ZCCHC14: variants seen among roughly 807,000 people sequenced by gnomAD.
ZCCHC14 encodes zinc finger CCHC domain-containing protein 14.
Under a neutral mutation model 85.0 loss-of-function variants are expected in ZCCHC14, and 16 were observed. The ratio of observed to expected loss-of-function variants is 0.19; its 90% CI spans 0.13 to 0.29. ZCCHC14 has a LOEUF of 0.29. Among genes scored for constraint, ZCCHC14 ranks in the 10% least tolerant of loss-of-function variants. The probability of loss-of-function intolerance (pLI) is 1.00; values close to 1 mark genes in which losing one functional copy is unlikely to be tolerated. For missense variants in ZCCHC14, 1,303 were observed against 1,443.5 expected, an observed-to-expected ratio of 0.90 and a Z score of 1.58; for synonymous variants, 775 against 630.7, an observed-to-expected ratio of 1.23 and a Z score of -3.43.
At chr16:87,423,382 T>C (rs1412835484) in intron 4 of ZCCHC14, among the ~76,000 whole-genome samples, 2 of 152,046 alleles carry the variant, frequency 1.3e-5, no homozygotes, top group Non-Finnish European at 2.9e-5. Flanking sequence ...ATCCAGTCTC[T>C]TAAAAAAATA....
chr16:87,413,892 C>G (rs1908622745), intron 10 of ZCCHC14, among the ~76,000 whole-genome samples: 1 of 152,212 alleles, frequency 6.6e-6, no homozygotes, highest in South Asian at 2.1e-4. Flanking sequence ...GTGGCAGTTT[C>G]TGGACCTGAT....
At chr16:87,465,498 C>T (rs1265905005) in intron 1 of ZCCHC14, among the ~76,000 whole-genome samples, 5 of 152,226 alleles carry the variant, frequency 3.3e-5, no homozygotes, top group Non-Finnish European at 7.3e-5. Context: ...CACACCCGCC[C>T]CTGGGGCTCT....
intron 2 of ZCCHC14, among the ~76,000 whole-genome samples, chr16:87,443,464 G>C (rs907741293): frequency 1.3e-5 from 2 of 152,192 alleles, no homozygotes; most frequent in African/African-American, 4.8e-5. Context: ...GGCCAGGCAT[G>C]GGGGCTCACA....
Position 87,407,957 on chromosome 16 carries a change from G to A in ZCCHC14, c.*2323C>T, listed in dbSNP as rs376634501. The A allele has an allele frequency of 2.0e-5, 3 of 152,658 alleles. No individual in the cohort carries two copies. The highest frequency in any genetic ancestry group is 4.8e-5 in the African/African-American group (2 of 41,428). 9.5% of individuals were successfully genotyped at this position (152,658 alleles called of 1,614,324 possible). On this transcript the variant is annotated 3_prime_UTR_variant, in exon 13 of 13. Coordinates refer to ENST00000671377, the MANE Select transcript of ZCCHC14 (RefSeq NM_015144.3). ...CTCCTACTTACAGCTGACGATTCTC[G>A]ACTTCGGACGGCCTCCCTGGAGATG...
At chr16:87,419,914 T>A in intron 5 of ZCCHC14, 37 bp from the exon 6 acceptor site, 1 of 1,540,032 alleles carries the variant, frequency 6.5e-7, no homozygotes, top group Non-Finnish European at 8.8e-7. Context: ...AACATTAAAA[T>A]GGCATTCCTG....
intron 3 of ZCCHC14, among the ~76,000 whole-genome samples, chr16:87,427,510 T>G (rs1909434235): frequency 6.6e-6 from 1 of 152,068 alleles, no homozygotes; most frequent in African/African-American, 2.4e-5. Context: ...CCTCCCGGGT[T>G]TAAGCGATCC....
chr16:87,448,944 G>A (rs575122165), intron 2 of ZCCHC14, among the ~76,000 whole-genome samples: 67 of 152,338 alleles, frequency 4.4e-4, no homozygotes, highest in Middle Eastern at 3.4e-3. Context: ...AAGACTCACT[G>A]CGGACATCAG....
At chr16:87,414,198 C>G (rs1212596386) in intron 10 of ZCCHC14, among the ~76,000 whole-genome samples, 1 of 150,158 alleles carries the variant, frequency 6.7e-6, no homozygotes, top group Non-Finnish European at 1.5e-5. Flanking sequence ...GCCCGGCACA[C>G]GGGCCCTCTC....
At chr16:87,475,719 G>A (rs1911977100) in intron 1 of ZCCHC14, among the ~76,000 whole-genome samples, 1 of 151,744 alleles carries the variant, frequency 6.6e-6, no homozygotes, top group Non-Finnish European at 1.5e-5. Context: ...AACAGAGAGA[G>A]AAAAAGATCT....
intron 1 of ZCCHC14, among the ~76,000 whole-genome samples, chr16:87,481,641 G>C (rs1260083575): frequency 2.7e-5 from 4 of 150,386 alleles, no homozygotes; most frequent in Non-Finnish European, 4.4e-5. Context: ...ACTGAACCGG[G>C]GCTGTAACGG....
At chr16:87,475,173 G>A (rs959553583) in intron 1 of ZCCHC14, among the ~76,000 whole-genome samples, 4 of 152,176 alleles carry the variant, frequency 2.6e-5, no homozygotes, top group African/African-American at 4.8e-5. Flanking sequence ...CCCTTACAAC[G>A]GGGCTCAGGA....
chr16:87,439,083 G>A (rs575201376), intron 2 of ZCCHC14, among the ~76,000 whole-genome samples: 29 of 151,874 alleles, frequency 1.9e-4, no homozygotes, highest in African/African-American at 7.0e-4. Flanking sequence ...ATGGATTATG[G>A]AATCTTCTTT....
chr16:87,461,976 G>C (rs900261094), intron 1 of ZCCHC14, among the ~76,000 whole-genome samples: 1 of 152,096 alleles, frequency 6.6e-6, no homozygotes, highest in Non-Finnish European at 1.5e-5. Flanking sequence ...TATGTAACTC[G>C]AGAAAATAAG....
At chr16:87,472,015 A>AGGTAG (rs1201323165) in intron 1 of ZCCHC14, 1 of 152,192 alleles carries the variant, frequency 6.6e-6, no homozygotes, top group African/African-American at 2.4e-5. Context: ...AGTGCTTCTG[A>AGGTAG]GCAACTACTA....
chr16:87,448,287 C>T (rs903369755), intron 2 of ZCCHC14, among the ~76,000 whole-genome samples: 1 of 152,198 alleles, frequency 6.6e-6, no homozygotes, highest in Non-Finnish European at 1.5e-5. Flanking sequence ...AATGGCAAGT[C>T]CAATGTTAGC....
rs1328350476 is a variant in ZCCHC14, at chr16:87,492,356, T to G, written c.-118A>C. 3.8e-4 allele frequency: 71 copies of G among 184,768 alleles called. 1 individual carries two copies. Among genetic ancestry groups the G allele is most frequent in the South Asian group, 2.1e-3 (11 of 5,208 alleles). The allele number at this position is 184,768 out of a possible 1,614,324, so 11.4% of individuals were successfully genotyped here. On this transcript the variant is annotated 5_prime_UTR_variant, in exon 1 of 13. Transcript: ENST00000671377. The surrounding 1 kb of genome is among the most constrained non-coding windows in gnomAD (Gnocchi z 6.7). ...CGGGGACGCGCGGGCCGGGGCCGGG[T>G]CCGGGCGAGGGCGCGCGGGCGCCGC...
At chr16:87,465,834 TA>T (rs1009488487) in intron 1 of ZCCHC14, among the ~76,000 whole-genome samples, 2 of 151,404 alleles carry the variant, frequency 1.3e-5, no homozygotes, top group East Asian at 1.9e-4. Flanking sequence ...ATTTTTTTAT[TA>T]AAAAAAAATA....
chr16:87,410,424 G>A, intron 12 of ZCCHC14, 89 bp from the exon 13 acceptor site: 1 of 613,564 alleles, frequency 1.6e-6, no homozygotes, highest in Non-Finnish European at 3.0e-6. Flanking sequence ...CAGAGCCACT[G>A]GGCAAGATTC....
At chr16:87,459,282 G>A (rs550038275) in intron 2 of ZCCHC14, among the ~76,000 whole-genome samples, 3 of 152,176 alleles carry the variant, frequency 2.0e-5, no homozygotes, top group African/African-American at 4.8e-5. Context: ...GGACAACACC[G>A]CTCTAGTGGT....
Sources: gnomAD v4.1 joint callset for allele counts (sites outside exome capture counted in the v4.1 genomes callset) on GRCh38, gnomAD v4.1.1 for gene constraint, Gnocchi (gnomAD v3.1) non-coding constraint, MANE v1.5 for transcripts, NCBI Gene and HGNC (gene_info 2026-07-23, HGNC 2026-07-21) for gene names.